The following FAM117B variants were observed in gnomAD, a reference collection of about 807,000 sequenced individuals.
FAM117B encodes family with sequence similarity 117 member B.
A neutral mutation model predicts 52.8 loss-of-function variants in FAM117B; 22 were observed. The observed-to-expected ratio is 0.42, with a 90% CI of 0.30 to 0.59. The LOEUF (loss-of-function observed/expected upper bound fraction) is 0.59. Ranked by LOEUF, FAM117B falls within the 20% of genes least tolerant of loss-of-function variation. The pLI is 0.22. For synonymous variants in FAM117B, 309 were observed against 324.1 expected (o/e 0.95, Z 0.50); for missense variants, 678 against 802.6 (o/e 0.84, Z 1.88).
chr2:202,722,072 G>A lies in FAM117B; in HGVS notation c.754-2845G>A, dbSNP rs557765844. On this transcript the variant is annotated intron_variant, in intron 2 of 7. Coordinates refer to ENST00000392238, the MANE Select transcript of FAM117B (RefSeq NM_173511.4). ...GTCGCCCGGGCTAGAGTGCAGTGGCGAGATCTCAGCTCACTGCAACCTCCA... is the reference window on the plus strand; with the variant it reads ...GTCGCCCGGGCTAGAGTGCAGTGGCAAGATCTCAGCTCACTGCAACCTCCA... Among the ~76,000 whole-genome samples the A allele has an allele frequency of 6.1e-5, 9 of 147,658 alleles. No homozygotes were observed. In the South Asian group the frequency reaches 8.6e-4, roughly 14 times the overall value.
intron 4 of FAM117B, among the ~76,000 whole-genome samples, chr2:202,741,151 G>C (rs965670223): frequency 3.9e-5 from 6 of 151,986 alleles, no homozygotes; most frequent in African/African-American, 1.4e-4. Flanking sequence ...CGCCAGGCGC[G>C]GTGGCTCATG....
At chr2:202,647,843 A>AT (rs138699255) in intron 1 of FAM117B, among the ~76,000 whole-genome samples, 6,505 of 152,226 alleles carry the variant, frequency 0.043, 192 homozygotes, top group Non-Finnish European at 0.068. Flanking sequence ...AGTATCTGAC[A>AT]TTTTTTTGAT....
intron 1 of FAM117B, among the ~76,000 whole-genome samples, chr2:202,675,228 A>AT (rs1297496715): frequency 6.9e-6 from 1 of 145,106 alleles, no homozygotes; most frequent in Non-Finnish European, 1.5e-5. Context: ...CCTGTCTCTT[A>AT]AAAAAAAAAA....
chr2:202,689,542 A>AT (rs1690590889), intron 1 of FAM117B, among the ~76,000 whole-genome samples: 1 of 152,140 alleles, frequency 6.6e-6, no homozygotes, highest in South Asian at 2.1e-4. Context: ...ACTTGAAAAA[A>AT]TTTCTCTCCT....
At chr2:202,693,030 G>A (rs1574558235) in intron 1 of FAM117B, among the ~76,000 whole-genome samples, 1 of 152,304 alleles carries the variant, frequency 6.6e-6, no homozygotes, top group East Asian at 1.9e-4. Flanking sequence ...AAAAACAGGT[G>A]CAAGACAGAT....
chr2:202,706,579 C>G (rs1308972927), intron 2 of FAM117B, among the ~76,000 whole-genome samples: 3 of 152,148 alleles, frequency 2.0e-5, no homozygotes, highest in Admixed American at 2.0e-4. Flanking sequence ...GTTTATAAAT[C>G]TACAAACTTG....
intron 1 of FAM117B, among the ~76,000 whole-genome samples, chr2:202,638,618 T>C (rs1190206318): frequency 6.6e-6 from 1 of 152,190 alleles, no homozygotes; most frequent in East Asian, 1.9e-4. Flanking sequence ...AAAACTCTTA[T>C]TTCTCAAAGT....
chr2:202,684,548 A>G (rs1020946054), intron 1 of FAM117B, among the ~76,000 whole-genome samples: 17 of 152,116 alleles, frequency 1.1e-4, no homozygotes, highest in African/African-American at 3.4e-4. Flanking sequence ...ATTTTTTGCT[A>G]ATGATTTTGT....
At chr2:202,645,560 A>AT (rs976371293) in intron 1 of FAM117B, among the ~76,000 whole-genome samples, 3 of 148,842 alleles carry the variant, frequency 2.0e-5, no homozygotes, top group African/African-American at 7.5e-5. Context: ...AAGTGCTGGG[A>AT]TTACAGGCGT....
chr2:202,654,137 C>T (rs1690018250), intron 1 of FAM117B, among the ~76,000 whole-genome samples: 1 of 149,492 alleles, frequency 6.7e-6, no homozygotes, highest in African/African-American at 2.5e-5. Flanking sequence ...TGAAGACTTA[C>T]TAACTTGATT....
At chr2:202,666,811 A>G (rs1308253823) in intron 1 of FAM117B, among the ~76,000 whole-genome samples, 7 of 149,870 alleles carry the variant, frequency 4.7e-5, no homozygotes, top group Non-Finnish European at 8.9e-5. Flanking sequence ...TGGGACAGCT[A>G]ATTTTTTGTA....
At chr2:202,695,783 TAGTTA>T (rs1267348815) in intron 1 of FAM117B, 93 bp from the exon 2 acceptor site, 5 of 1,305,122 alleles carry the variant, frequency 3.8e-6, no homozygotes, top group Non-Finnish European at 5.2e-6. Context: ...GGGATTACCA[TAGTTA>T]AGTTGGAGAA....
chr2:202,747,837 C>T (rs533916288), intron 4 of FAM117B, among the ~76,000 whole-genome samples: 1 of 152,186 alleles, frequency 6.6e-6, no homozygotes, highest in African/African-American at 2.4e-5. Context: ...ATCCTATGTT[C>T]ATAGGAAGAA....
intron 4 of FAM117B, among the ~76,000 whole-genome samples, chr2:202,736,957 G>A (rs1210583241): frequency 6.6e-6 from 1 of 152,018 alleles, no homozygotes; most frequent in East Asian, 1.9e-4. Context: ...CTCAGCTACT[G>A]CTTATCACCA....
chr2:202,726,317 G>T lies in FAM117B; in HGVS notation c.914G>T (p.Arg305Ile), dbSNP rs1329173325. ...HSSRHHRDKE[R>I]QSPFHGNHAA... ...AGTCGGCATCATCGAGATAAAGAAA[G>T]ACAGTCTCCATTTCATGGCAACCAT... is the stretch of plus-strand genomic sequence containing the variant. Residue 305 changes from arginine (R) to isoleucine (I), a missense_variant, in exon 4 of 8, where the codon AGA (arginine) becomes ATA (isoleucine). Arg to Ile is a moderately conservative substitution (Grantham distance 97, BLOSUM62 -3). This residue lies in a region of FAM117B where 583 missense variants were observed against 644.8 expected (regional missense o/e 0.90). Transcript: ENST00000392238. 1 of 1,613,828 alleles carries T rather than the reference G, an allele frequency of 6.2e-7. No homozygotes were observed. The highest frequency in any genetic ancestry group is 8.5e-7 in the Non-Finnish European group (1 of 1,179,938).
At chr2:202,746,539 T>C (rs1337724941) in intron 4 of FAM117B, among the ~76,000 whole-genome samples, 1 of 151,676 alleles carries the variant, frequency 6.6e-6, no homozygotes, top group Non-Finnish European at 1.5e-5. Context: ...AGAGTGTACC[T>C]CAAGGAACTA....
Position 202,648,205 on chromosome 2 carries a change from A to G in FAM117B, c.601+12417A>G, listed in dbSNP as rs540019972. ...GTATAATTCCAGAGCTATTCTATGT[A>G]TATTCAGATATATGCATATGTCAGC... On this transcript the variant is annotated intron_variant, in intron 1 of 7. Coordinates refer to ENST00000392238, the MANE Select transcript of FAM117B (RefSeq NM_173511.4). Among the ~76,000 whole-genome samples, 4 of 152,244 alleles carry G rather than the reference A, an allele frequency of 2.6e-5. No individual in the cohort carries two copies. The East Asian group carries it at 5.8e-4, about 22-fold the overall frequency.
chr2:202,642,029 G>A (rs1482806543), intron 1 of FAM117B, among the ~76,000 whole-genome samples: 1 of 143,664 alleles, frequency 7.0e-6, no homozygotes, highest in Non-Finnish European at 1.5e-5. Flanking sequence ...TGCAACCTCC[G>A]CCTCCCAGGT....
intron 1 of FAM117B, among the ~76,000 whole-genome samples, chr2:202,640,340 A>ATATATATGTG (rs1371719386): frequency 9.5e-5 from 10 of 105,724 alleles, no homozygotes; most frequent in African/African-American, 4.3e-4. Flanking sequence ...ATATATATAT[A>ATATATATGTG]TATGGCAAGT....
Sources: gnomAD v4.1 joint callset for allele counts (sites outside exome capture counted in the v4.1 genomes callset) on GRCh38, gnomAD v4.1.1 for gene constraint, gnomAD v4.1.1 regional missense constraint, MANE v1.5 for transcripts, NCBI Gene and HGNC (gene_info 2026-07-23, HGNC 2026-07-21) for gene names.